The following RCAN3 variants were observed in gnomAD, a reference collection of about 807,000 sequenced individuals.
RCAN3 encodes the protein regulator of calcineurin 3.
In RCAN3, 19 loss-of-function variants were observed where a neutral mutation model predicts 21.9. That is an observed-to-expected ratio of 0.87 (90% CI 0.61 to 1.27). The LOEUF (loss-of-function observed/expected upper bound fraction) is 1.27. Ranked by LOEUF, RCAN3 falls within the 50% of genes most tolerant of loss-of-function variation. The pLI is 0.00. For synonymous variants in RCAN3, 114 were observed against 112.3 expected, an observed-to-expected ratio of 1.01 and a Z score of -0.09; for missense variants, 240 against 300.1, an observed-to-expected ratio of 0.80 and a Z score of 1.48.
intron 2 of RCAN3, among the ~76,000 whole-genome samples, chr1:24,524,828 G>GTTTTTTTTT (rs5773091): frequency 3.9e-5 from 5 of 127,244 alleles, no homozygotes; most frequent in Non-Finnish European, 3.3e-5. Context: ...GTTTTCTTTT[G>GTTTTTTTTT]TTTTTTTTTT....
intron 3 of RCAN3, among the ~76,000 whole-genome samples, chr1:24,532,267 C>T (rs1385608574): frequency 2.0e-5 from 3 of 151,954 alleles, no homozygotes; most frequent in African/African-American, 4.8e-5. Flanking sequence ...CACTCTGTCA[C>T]CCAGGCTGGA....
At chr1:24,504,944 G>A (rs1017970428) in intron 1 of RCAN3, among the ~76,000 whole-genome samples, 3 of 152,110 alleles carry the variant, frequency 2.0e-5, no homozygotes, top group African/African-American at 7.2e-5. Context: ...CAAATTCCTG[G>A]TGGAGTGGAA....
intron 1 of RCAN3, among the ~76,000 whole-genome samples, chr1:24,508,062 C>T (rs772578208): frequency 3.5e-4 from 53 of 151,848 alleles, no homozygotes; most frequent in Non-Finnish European, 6.3e-4. Context: ...CGCGCCACTG[C>T]GCCGAGACTG....
At position 24,540,208 on chromosome 1, in the gene RCAN3, A is replaced by G. The variant is rs1203451756; in HGVS notation, c.*4931A>G. 6.6e-6 allele frequency: 1 copy of G among 152,344 alleles called. No homozygotes were observed. The highest frequency in any genetic ancestry group is 1.5e-5 in the Non-Finnish European group (1 of 68,040). 9.4% of individuals were successfully genotyped at this position (152,344 alleles called of 1,614,324 possible). On this transcript the variant is annotated 3_prime_UTR_variant, in exon 5 of 5. Coordinates refer to ENST00000374395, the MANE Select transcript of RCAN3 (RefSeq NM_013441.4). Reference sequence around the variant, plus strand: ...ACAACTGCTGGGTTCACTGACAAAGATTATAAAAATCATCACGTTCAAAGT... The same window carrying G: ...ACAACTGCTGGGTTCACTGACAAAGGTTATAAAAATCATCACGTTCAAAGT...
intron 2 of RCAN3, among the ~76,000 whole-genome samples, chr1:24,518,480 G>C (rs1648522938): frequency 6.6e-6 from 1 of 152,144 alleles, no homozygotes; most frequent in Non-Finnish European, 1.5e-5. Context: ...CTAATCAATA[G>C]CTCCATCAGG....
rs1173592874 is a variant in RCAN3 at position 24,502,836 on chromosome 1, A to C, written c.-374A>C. On this transcript the variant is annotated 5_prime_UTR_variant, in exon 1 of 5. Coordinates refer to ENST00000374395, the MANE Select transcript of RCAN3 (RefSeq NM_013441.4). ...TGCGCCGCCGTGCGCGCGCCCTGCC[A>C]GAACAGGAGGGGACGAGGCGGGCGC... is the stretch of plus-strand genomic sequence containing the variant. 6.7e-6 allele frequency: 1 copy of C among 150,332 alleles called. No homozygotes were observed. Among genetic ancestry groups the C allele is most frequent in the African/African-American group, 2.4e-5 (1 of 41,158 alleles). 9.3% of individuals were successfully genotyped at this position (150,332 alleles called of 1,614,324 possible). A position where few individuals can be genotyped will look rare whatever the true frequency, so the allele number is the denominator to read the frequency against.
chr1:24,525,314 A>G lies in RCAN3; in HGVS notation c.196-5904A>G, dbSNP rs1322815524. The stretch of plus-strand genomic sequence containing the variant: ...TTCTTAGCTATTTTAGGTACAAGGT[A>G]TGTACTGTCATTTTGATGACTGACT... On this transcript the variant is annotated intron_variant, in intron 2 of 4. Transcript: ENST00000374395. The surrounding 1 kb of genome is among the most constrained non-coding windows in gnomAD (Gnocchi z 4.1). Among the ~76,000 whole-genome samples the G allele has an allele frequency of 1.3e-5, 2 of 152,204 alleles. No individual in the cohort carries two copies. Among genetic ancestry groups the G allele is most frequent in the African/African-American group, 4.8e-5 (2 of 41,456 alleles).
intron 2 of RCAN3, among the ~76,000 whole-genome samples, chr1:24,518,700 C>T (rs1648541852): frequency 6.6e-6 from 1 of 152,110 alleles, no homozygotes. Flanking sequence ...TCAAGCAATC[C>T]TCCTACCTCA....
chr1:24,511,206 G>A (rs1301746927), intron 1 of RCAN3, among the ~76,000 whole-genome samples: 1 of 152,072 alleles, frequency 6.6e-6, no homozygotes, highest in Admixed American at 6.6e-5. Context: ...CCAGCTACTC[G>A]GGAGGCTGAG....
chr1:24,529,434 T>TG (rs1649562330), intron 2 of RCAN3, among the ~76,000 whole-genome samples: 1 of 149,848 alleles, frequency 6.7e-6, no homozygotes, highest in Admixed American at 6.6e-5. Context: ...TGGTGGTGCC[T>TG]GCTACTCAGG....
chr1:24,538,158 TAA>T lies in RCAN3; in HGVS notation c.*2885_*2886del, dbSNP rs1001339795. 2 of 152,182 alleles carry T rather than the reference TAA, an allele frequency of 1.3e-5. No homozygotes were observed. The highest frequency in any genetic ancestry group is 4.8e-5 in the African/African-American group (2 of 41,442). The allele number at this position is 152,182 out of a possible 1,614,324, so 9.4% of individuals were successfully genotyped here. A position where few individuals can be genotyped will look rare whatever the true frequency, so the allele number is the denominator to read the frequency against. On this transcript the variant is annotated 3_prime_UTR_variant, in exon 5 of 5. Transcript: ENST00000374395. ...TGATGAAACCAAAGACAAATCCATG[TAA>T]AAAGTGTTCCAGTGAGCATCTCTGA... is the stretch of plus-strand genomic sequence containing the variant.
upstream of RCAN3, chr1:24,502,555 C>T (rs1324063258): frequency 6.6e-6 from 1 of 152,402 alleles, no homozygotes; most frequent in Non-Finnish European, 1.5e-5. Context: ...GGGGACTGTC[C>T]TACGGGGCTA....
chr1:24,535,545 T>G lies in RCAN3; in HGVS notation c.*268T>G, dbSNP rs1039537645. ...GCCACCCTTAACCATTTTTAAATAG[T>G]AACAAATTAGGAAAACAGCTCCCCT... is the stretch of plus-strand genomic sequence containing the variant. On this transcript the variant is annotated 3_prime_UTR_variant, in exon 5 of 5. Coordinates refer to ENST00000374395, the MANE Select transcript of RCAN3 (RefSeq NM_013441.4). The G allele has an allele frequency of 5.8e-6, 2 of 346,356 alleles. No homozygotes were observed. The highest frequency in any genetic ancestry group is 1.0e-5 in the Non-Finnish European group (2 of 194,834). The allele number at this position is 346,356 out of a possible 1,614,324, so 21.5% of individuals were successfully genotyped here.
intron 3 of RCAN3, 142 bp from the exon 4 acceptor site, chr1:24,532,939 ACT>A (rs1434483021): frequency 3.4e-6 from 2 of 591,976 alleles, no homozygotes; most frequent in Non-Finnish European, 4.7e-6. Context: ...ACAAAGTGAG[ACT>A]CCGTCTCAAA....
chr1:24,530,848 A>G (rs1476286145), intron 2 of RCAN3, among the ~76,000 whole-genome samples: 1 of 152,048 alleles, frequency 6.6e-6, no homozygotes, highest in Non-Finnish European at 1.5e-5. Flanking sequence ...CATCTCTACT[A>G]AAAATGTAAA....
chr1:24,530,858 A>G (rs1165949449), intron 2 of RCAN3, among the ~76,000 whole-genome samples: 3 of 152,122 alleles, frequency 2.0e-5, no homozygotes, highest in African/African-American at 7.2e-5. Flanking sequence ...AAAAATGTAA[A>G]AATTAGCCGG....
At chr1:24,510,243 C>G (rs191871637) in intron 1 of RCAN3, among the ~76,000 whole-genome samples, 1 of 152,118 alleles carries the variant, frequency 6.6e-6, no homozygotes, top group Non-Finnish European at 1.5e-5. Flanking sequence ...CTATGTTAGC[C>G]GCTAACAAAA....
At chr1:24,523,848 G>A (rs1649032438) in intron 2 of RCAN3, among the ~76,000 whole-genome samples, 2 of 152,106 alleles carry the variant, frequency 1.3e-5, no homozygotes, top group Non-Finnish European at 2.9e-5. Context: ...AACAAAATAT[G>A]TGTATGATCT....
chr1:24,514,384 C>T lies in RCAN3; in HGVS notation c.12C>T (p.Asp4=), dbSNP rs1361615394. The change falls in exon 2 of 5, where the codon GAC becomes GAT. Residue 4 remains aspartate, a synonymous_variant. Coordinates refer to ENST00000374395, the MANE Select transcript of RCAN3 (RefSeq NM_013441.4). ...CACTTTGGGGGATAATGCTGAGGGA[C>T]ACTATGAAATCTTGGAATGATAGCC... MLR[D]TMKSWNDSQS... is the part of the protein sequence containing the mutation. 6.2e-6 allele frequency: 10 copies of T among 1,612,508 alleles called. No homozygotes were observed. The highest frequency in any genetic ancestry group is 8.5e-6 in the Non-Finnish European group (10 of 1,179,260).
Sources: allele counts gnomAD v4.1 joint callset (sites outside exome capture counted in the v4.1 genomes callset), GRCh38; gene constraint gnomAD v4.1.1; non-coding constraint Gnocchi (gnomAD v3.1); transcripts MANE v1.5; gene names NCBI Gene and HGNC (gene_info 2026-07-23, HGNC 2026-07-21).